TEK: variants seen among roughly 807,000 people sequenced by gnomAD.
TEK encodes TEK receptor tyrosine kinase.
A neutral mutation model predicts 131.8 loss-of-function variants in TEK; 43 were observed. The ratio of observed to expected loss-of-function variants is 0.33; its 90% confidence interval spans 0.26 to 0.42. TEK has a LOEUF of 0.42. TEK is among the 10% of genes least tolerant of loss of function. TEK has a pLI of 1.00. For missense variants in TEK, 1,162 were observed against 1,384.4 expected, an observed-to-expected ratio of 0.84 and a Z score of 2.55; for synonymous variants, 580 against 491.6, an observed-to-expected ratio of 1.18 and a Z score of -2.38.
chr9:27,214,642 C>T lies in TEK; in HGVS notation c.2991+1045C>T, dbSNP rs148785728. ...AATCACCCATAATTCACCACCTTGG[C>T]ATATATATTTTTTTCATTTTGGCTT... On this transcript the variant is annotated intron_variant, in intron 18 of 22. Transcript: ENST00000380036. Among the ~76,000 whole-genome samples the T allele has an allele frequency of 2.2e-3, 337 of 152,264 alleles. 3 individuals are homozygous for T. Among genetic ancestry groups the T allele is most frequent in the African/African-American group, 7.7e-3 (319 of 41,538 alleles).
intron 6 of TEK, among the ~76,000 whole-genome samples, chr9:27,173,874 G>A (rs1307494350): frequency 6.6e-6 from 1 of 150,530 alleles, no homozygotes; most frequent in Non-Finnish European, 1.5e-5. Context: ...AAGCTGCAGT[G>A]AGCTATGATT....
intron 21 of TEK, among the ~76,000 whole-genome samples, chr9:27,222,537 A>G (rs1826128576): frequency 6.6e-6 from 1 of 152,240 alleles, no homozygotes; most frequent in Non-Finnish European, 1.5e-5. Flanking sequence ...CCTACGAGCC[A>G]GAAGAGAGTG....
intron 10 of TEK, among the ~76,000 whole-genome samples, chr9:27,191,511 C>G (rs1012399497): frequency 6.6e-6 from 1 of 152,018 alleles, no homozygotes; most frequent in Non-Finnish European, 1.5e-5. Context: ...CTCCTCCGCC[C>G]ATACCTTTGT....
intron 1 of TEK, among the ~76,000 whole-genome samples, chr9:27,131,012 AAAAC>A (rs1822193886): frequency 6.6e-6 from 1 of 152,240 alleles, no homozygotes; most frequent in Admixed American, 6.5e-5. Context: ...TTTACCCTCT[AAAAC>A]AAATTTAAAT....
At chr9:27,206,998 A>G (rs1825422206) in intron 15 of TEK, among the ~76,000 whole-genome samples, 1 of 152,200 alleles carries the variant, frequency 6.6e-6, no homozygotes, top group Non-Finnish European at 1.5e-5. Flanking sequence ...TTTAAACATC[A>G]CTGTCTTGAT....
At chr9:27,193,950 G>T (rs1824918487) in intron 11 of TEK, among the ~76,000 whole-genome samples, 1 of 152,060 alleles carries the variant, frequency 6.6e-6, no homozygotes, top group African/African-American at 2.4e-5. Context: ...GGGACTACAG[G>T]CACACCACCA....
At chr9:27,115,797 G>C (rs1412625250) in intron 1 of TEK, among the ~76,000 whole-genome samples, 6 of 152,172 alleles carry the variant, frequency 3.9e-5, no homozygotes, top group Non-Finnish European at 5.9e-5. Flanking sequence ...AAATAGCAGG[G>C]CAGGCTTAAG....
intron 6 of TEK, 66 bp from the exon 7 acceptor site, chr9:27,180,174 A>T: frequency 6.2e-7 from 1 of 1,601,218 alleles, no homozygotes; most frequent in Non-Finnish European, 8.5e-7. Flanking sequence ...AAAACTAAAC[A>T]CCTGCAGTCT....
chr9:27,228,802 A>G (rs572523477), intron 22 of TEK, among the ~76,000 whole-genome samples: 79 of 151,340 alleles, frequency 5.2e-4, no homozygotes, highest in African/African-American at 1.8e-3. Context: ...TAATTCAACT[A>G]GAGATGCAGG....
chr9:27,168,638 G>T, intron 3 of TEK, 33 bp downstream of exon 3: 3 of 1,408,204 alleles, frequency 2.1e-6, no homozygotes, highest in Non-Finnish European at 3.0e-6. Context: ...TCCCCAGTAT[G>T]ATGTGAGATA....
At chr9:27,217,552 A>G (rs1436993776) in intron 18 of TEK, 136 bp from the exon 19 acceptor site, 4 of 755,044 alleles carry the variant, frequency 5.3e-6, no homozygotes, top group South Asian at 1.5e-5. Context: ...TTGAAAACAC[A>G]TGTAGCTGGG....
chr9:27,212,901 T>C lies in TEK; in HGVS notation c.2877+4T>C, dbSNP rs1462269453. The C allele has an allele frequency of 9.3e-6, 15 of 1,613,694 alleles. No individual in the cohort carries two copies. Among genetic ancestry groups the C allele is most frequent in the Non-Finnish European group, 1.3e-5 (15 of 1,179,958 alleles). On this transcript the variant is annotated splice_donor_region_variant and intron_variant, in intron 17 of 22. Coordinates refer to ENST00000380036, the MANE Select transcript of TEK (RefSeq NM_000459.5). ...GGACTACTTGAGCCAAAAACAGGTT[T>C]GTCCGGAGGACTTCGCTTTGGATAT...
rs772593203 is a variant in TEK, at chr9:27,130,996, GA to G, written c.52+21358del. Among the ~76,000 whole-genome samples, 3 of 152,248 alleles carry G rather than the reference GA, an allele frequency of 2.0e-5. No individual in the cohort carries two copies. The East Asian group carries it at 5.8e-4, about 29-fold the overall frequency. ...AAATACAAATGGCTTATAAGCATGC[GA>G]AAAGTTTACCCTCTAAAACAAATTT... On this transcript the variant is annotated intron_variant, in intron 1 of 22. Transcript: ENST00000380036.
chr9:27,175,680 C>G (rs571213795), intron 6 of TEK, among the ~76,000 whole-genome samples: 1 of 152,232 alleles, frequency 6.6e-6, no homozygotes, highest in East Asian at 1.9e-4. Flanking sequence ...GATCGCCATT[C>G]TAACTGGTGT....
At chr9:27,207,815 C>G (rs1174474185) in intron 15 of TEK, among the ~76,000 whole-genome samples, 1 of 152,208 alleles carries the variant, frequency 6.6e-6, no homozygotes, top group Admixed American at 6.5e-5. Context: ...ATCATCTCTG[C>G]TTTCTGCATT....
At chr9:27,227,072 AT>A (rs1182889691) in intron 21 of TEK, among the ~76,000 whole-genome samples, 1 of 152,152 alleles carries the variant, frequency 6.6e-6, no homozygotes, top group East Asian at 1.9e-4. Context: ...GGGTGAGAAG[AT>A]TTTTTAGTCT....
chr9:27,146,413 GTGC>G (rs941942196), intron 1 of TEK, among the ~76,000 whole-genome samples: 25 of 152,186 alleles, frequency 1.6e-4, no homozygotes, highest in African/African-American at 6.0e-4. Flanking sequence ...AATCTTTTTT[GTGC>G]TGCCCCTTTG....
chr9:27,166,820 CCTGT>C, intron 2 of TEK, among the ~76,000 whole-genome samples: 1 of 152,190 alleles, frequency 6.6e-6, no homozygotes, highest in Non-Finnish European at 1.5e-5. Context: ...GATGTGAGCT[CCTGT>C]CTTTTAACAT....
intron 1 of TEK, among the ~76,000 whole-genome samples, chr9:27,126,218 C>G (rs1167077694): frequency 6.6e-6 from 1 of 152,184 alleles, no homozygotes; most frequent in Admixed American, 6.5e-5. Flanking sequence ...AGAGGCACTC[C>G]TGCCTGAACA....
Sources: allele counts gnomAD v4.1 joint callset (sites outside exome capture counted in the v4.1 genomes callset), GRCh38; gene constraint gnomAD v4.1.1; transcripts MANE v1.5; gene names NCBI Gene and HGNC (gene_info 2026-07-23, HGNC 2026-07-21).